The following VDAC3 variants were observed in gnomAD, a reference collection of about 807,000 sequenced individuals.
VDAC3 encodes voltage dependent anion channel 3.
VDAC3 carries 7 observed loss-of-function variants against 33.9 expected under a neutral mutation model. The observed-to-expected ratio is 0.21, with a 90% confidence interval of 0.12 to 0.39. VDAC3 has a LOEUF of 0.39. VDAC3 is among the 10% of genes least tolerant of loss of function. The pLI is 1.00. For synonymous variants in VDAC3, 100 were observed against 122.4 expected (o/e 0.82, Z 1.21); for missense variants, 261 against 334.5 (o/e 0.78, Z 1.71).
chr8:42,395,533 G>A (rs948474945), intron 4 of VDAC3, among the ~76,000 whole-genome samples: 1 of 152,148 alleles, frequency 6.6e-6, no homozygotes, highest in Non-Finnish European at 1.5e-5. Flanking sequence ...AACAAAATAT[G>A]TAAATAAAAT....
intron 2 of VDAC3, 142 bp from the exon 3 acceptor site, chr8:42,394,068 C>T: frequency 1.4e-6 from 1 of 716,680 alleles, no homozygotes; most frequent in Non-Finnish European, 2.5e-6. Context: ...TGTCTCATAC[C>T]TTTGATTGCA....
intron 9 of VDAC3, 35 bp from the exon 10 acceptor site, chr8:42,405,336 T>G: frequency 6.5e-7 from 1 of 1,539,298 alleles, no homozygotes; most frequent in Non-Finnish European, 9.0e-7. Context: ...TTGTAATACT[T>G]GTTTCAAGTG....
intron 4 of VDAC3, chr8:42,396,599 T>C: frequency 1.5e-6 from 1 of 675,278 alleles, no homozygotes; most frequent in Non-Finnish European, 2.6e-6. Context: ...AATTTGCTCA[T>C]TAGGTTTGTG....
chr8:42,402,704 G>A (rs2130891068), intron 7 of VDAC3, among the ~76,000 whole-genome samples: 1 of 152,320 alleles, frequency 6.6e-6, no homozygotes, highest in South Asian at 2.1e-4. Flanking sequence ...ATTTACTTAT[G>A]ATGGCTAAAA....
chr8:42,405,342 A>C (rs1433030244), intron 9 of VDAC3, 29 bp from the exon 10 acceptor site: 3 of 1,559,642 alleles, frequency 1.9e-6, no homozygotes, highest in Non-Finnish European at 2.7e-6. Flanking sequence ...TACTTGTTTC[A>C]AGTGATTGTG....
rs1353311338 is a variant in VDAC3 at position 42,405,365 on chromosome 8, T to C, written c.761-6T>C. The C allele has an allele frequency of 1.9e-6, 3 of 1,610,946 alleles. No homozygotes were observed. Among genetic ancestry groups the C allele is most frequent in the Non-Finnish European group, 2.5e-6 (3 of 1,177,906 alleles). ...TCAAGTGATTGTGGTGTTTTCTTCT[T>C]CCTAGGAGTCAAATTGACTTTATCA... On this transcript the variant is annotated splice_region_variant and splice_polypyrimidine_tract_variant and intron_variant, in intron 9 of 9. Transcript: ENST00000022615.
At chr8:42,394,120 C>T in intron 2 of VDAC3, 90 bp from the exon 3 acceptor site, 1 of 1,129,604 alleles carries the variant, frequency 8.9e-7, no homozygotes, top group Non-Finnish European at 1.3e-6. Flanking sequence ...ACTGTATACC[C>T]CTTCTCACAG....
At chr8:42,392,541 A>G (rs146265500) in intron 1 of VDAC3, among the ~76,000 whole-genome samples, 2 of 152,330 alleles carry the variant, frequency 1.3e-5, no homozygotes, top group Non-Finnish European at 2.9e-5. Context: ...TTGCTTGATC[A>G]TACTAGCAGT....
At chr8:42,403,253 C>A in intron 7 of VDAC3, 58 bp from the exon 8 acceptor site, 1 of 1,587,920 alleles carries the variant, frequency 6.3e-7, no homozygotes, top group Non-Finnish European at 8.6e-7. Context: ...TGTTTTCATA[C>A]CATAATAACA....
intron 1 of VDAC3, among the ~76,000 whole-genome samples, 195 bp from the exon 2 acceptor site, chr8:42,393,650 C>T (rs1172364387): frequency 2.6e-5 from 4 of 152,146 alleles, no homozygotes; most frequent in African/African-American, 2.4e-5. Context: ...TGTCATATTT[C>T]TGGTTAATGG....
chr8:42,403,451 C>A lies in VDAC3; in HGVS notation c.692C>A (p.Thr231Asn). The A allele has an allele frequency of 6.3e-7, 1 of 1,579,134 alleles. No individual in the cohort carries two copies. ...GCTAAGTACATGCTGGATTGTAGAA[C>A]TTCTCTCTCTGTAAGAATGTGCTGC... ...IAAKYMLDCR[T>N]SLSAKVNNAS... The change falls in exon 8 of 10, where the codon ACT becomes AAT. Residue 231 changes from threonine (T) to asparagine (N), a missense_variant. By Grantham distance (65) the Thr-to-Asn change is moderately conservative (BLOSUM62 0). Coordinates refer to ENST00000022615, the MANE Select transcript of VDAC3 (RefSeq NM_005662.7).
Position 42,402,249 on chromosome 8 carries a change from G to A in VDAC3, c.551+234G>A, listed in dbSNP as rs976357394. The A allele has an allele frequency of 3.2e-5, 18 of 567,792 alleles. No homozygotes were observed. In the African/African-American group the frequency reaches 3.4e-4, roughly 11 times the overall value. The allele number at this position is 567,792 out of a possible 1,614,324, so 35.2% of individuals were successfully genotyped here. On this transcript the variant is annotated intron_variant, in intron 7 of 9. Coordinates refer to ENST00000022615, the MANE Select transcript of VDAC3 (RefSeq NM_005662.7). ...GCACCCCAAACTTGAGGAAGCTCCA[G>A]CCTCTGTAGAAGAACCACTGGGATA...
chr8:42,405,331 A>G (rs753216040), intron 9 of VDAC3, 40 bp from the exon 10 acceptor site: 163 of 1,521,632 alleles, frequency 1.1e-4, no homozygotes, highest in Non-Finnish European at 1.4e-4. Flanking sequence ...TCTAATTGTA[A>G]TACTTGTTTC....
At chr8:42,404,062 A>G (rs1022600192) in intron 8 of VDAC3, among the ~76,000 whole-genome samples, 1 of 152,138 alleles carries the variant, frequency 6.6e-6, no homozygotes, top group African/African-American at 2.4e-5. Flanking sequence ...TACTAAAAAT[A>G]ACACTGAGCT....
intron 4 of VDAC3, among the ~76,000 whole-genome samples, chr8:42,397,839 C>T (rs1802342823): frequency 6.6e-6 from 1 of 152,128 alleles, no homozygotes; most frequent in Non-Finnish European, 1.5e-5. Flanking sequence ...TGCAGTTTTG[C>T]ACACAAAAGC....
chr8:42,404,418 A>G (rs550000455), intron 8 of VDAC3, among the ~76,000 whole-genome samples: 12 of 152,304 alleles, frequency 7.9e-5, no homozygotes, highest in Non-Finnish European at 1.5e-4. Flanking sequence ...TACAAGTCCT[A>G]CTGACTTCTT....
At chr8:42,400,917 C>T (rs551203351) in intron 6 of VDAC3, among the ~76,000 whole-genome samples, 3 of 152,100 alleles carry the variant, frequency 2.0e-5, no homozygotes, top group East Asian at 1.9e-4. Flanking sequence ...CTGGCTCGGC[C>T]TCCCAAAATG....
chr8:42,400,957 C>T (rs946215720), intron 6 of VDAC3, among the ~76,000 whole-genome samples: 3 of 151,950 alleles, frequency 2.0e-5, no homozygotes, highest in South Asian at 2.1e-4. Context: ...CCACTGTGCC[C>T]GGCCAGGACA....
intron 3 of VDAC3, 117 bp downstream of exon 3, chr8:42,394,395 A>G: frequency 2.3e-6 from 2 of 872,940 alleles, no homozygotes; most frequent in Non-Finnish European, 1.8e-6. Context: ...ACTTCACAAG[A>G]TTTAAGGGGA....
Sources: gnomAD v4.1 joint callset for allele counts (sites outside exome capture counted in the v4.1 genomes callset) on GRCh38, gnomAD v4.1.1 for gene constraint, MANE v1.5 for transcripts, NCBI Gene and HGNC (gene_info 2026-07-23, HGNC 2026-07-21) for gene names.